Variants in DAB1 observed in about 807,000 individuals in gnomAD.
DAB1 encodes disabled homolog 1.
In DAB1, 15 loss-of-function variants were observed where a neutral mutation model predicts 64.6. The observed-to-expected ratio is 0.23, with a 90% confidence interval of 0.16 to 0.36. The LOEUF is 0.36. Ranked by LOEUF, DAB1 falls within the 10% of genes least tolerant of loss-of-function variation. DAB1 has a pLI of 1.00. For missense variants in DAB1, 596 were observed against 706.7 expected, an observed-to-expected ratio of 0.84 and a Z score of 1.78; for synonymous variants, 235 against 251.9, an observed-to-expected ratio of 0.93 and a Z score of 0.64.
intron 4 of DAB1, among the ~76,000 whole-genome samples, chr1:58,246,912 G>A (rs551493853): frequency 6.6e-6 from 1 of 152,184 alleles, no homozygotes; most frequent in South Asian, 2.1e-4. Flanking sequence ...TACGGTGTGA[G>A]CATGTGTGTG....
At chr1:58,533,967 C>A (rs1361907323) in intron 1 of DAB1, 1 of 872,214 alleles carries the variant, frequency 1.1e-6, no homozygotes. Flanking sequence ...TGCCCAAGTA[C>A]TGCATGTGCT....
chr1:58,429,115 T>C (rs1158285675), intron 3 of DAB1, among the ~76,000 whole-genome samples: 1 of 152,214 alleles, frequency 6.6e-6, no homozygotes, highest in Admixed American at 6.5e-5. Flanking sequence ...AATTACTATG[T>C]GCAAGGGCAG....
chr1:58,429,972 G>A (rs962308013), intron 3 of DAB1, among the ~76,000 whole-genome samples: 3 of 152,282 alleles, frequency 2.0e-5, no homozygotes, highest in Admixed American at 1.3e-4. Context: ...CATCCCCCAG[G>A]TCTTGTCAAT....
At chr1:58,314,175 T>C (rs1662498485) in intron 4 of DAB1, among the ~76,000 whole-genome samples, 1 of 152,090 alleles carries the variant, frequency 6.6e-6, no homozygotes, top group African/African-American at 2.4e-5. Context: ...CTTTTAGATA[T>C]GGGGGTCTGT....
At chr1:57,011,312 T>C (rs781388632) in intron 12 of DAB1, 40 bp from the exon 13 acceptor site, 3 of 1,602,934 alleles carry the variant, frequency 1.9e-6, no homozygotes, top group Non-Finnish European at 2.6e-6. Flanking sequence ...CTTAAGTGCC[T>C]GGCTGCCATG....
chr1:57,557,283 G>A (rs556419358), intron 7 of DAB1, among the ~76,000 whole-genome samples: 39 of 152,254 alleles, frequency 2.6e-4, no homozygotes, highest in Non-Finnish European at 2.8e-4. Context: ...GATGCTTCCT[G>A]TCCTTGAATA....
At chr1:57,948,617 G>A (rs962540584) in intron 5 of DAB1, among the ~76,000 whole-genome samples, 4 of 152,186 alleles carry the variant, frequency 2.6e-5, no homozygotes, top group Non-Finnish European at 5.9e-5. Flanking sequence ...GTCAGTTAAT[G>A]TACATCTTGG....
chr1:57,553,637 C>T (rs1484249307), intron 7 of DAB1, among the ~76,000 whole-genome samples: 2 of 151,962 alleles, frequency 1.3e-5, no homozygotes, highest in African/African-American at 2.4e-5. Flanking sequence ...CACCACTGCA[C>T]TCTAGCCTGG....
rs556046683 is a variant in DAB1 at position 58,243,894 on chromosome 1, T to C, written n.310-93306A>G. Among the ~76,000 whole-genome samples, 6 of 152,254 alleles carry C rather than the reference T, an allele frequency of 3.9e-5. No homozygotes were observed. In the South Asian group the frequency reaches 1.2e-3, roughly 32 times the overall value. ...AGGCCCCTGAAATGCAAATACTATGTCTTTTTAGACAATTATCCTTCTGTG... is the reference window on the plus strand; with the variant it reads ...AGGCCCCTGAAATGCAAATACTATGCCTTTTTAGACAATTATCCTTCTGTG... On this transcript the variant is annotated intron_variant and non_coding_transcript_variant, in intron 4 of 20. Transcript: ENST00000485760.
rs189471819 is a variant in DAB1 at position 57,602,807 on chromosome 1, G to A, written n.625+46785C>T. Among the ~76,000 whole-genome samples, 4 of 152,174 alleles carry A rather than the reference G, an allele frequency of 2.6e-5. No homozygotes were observed. In the East Asian group the frequency reaches 7.8e-4, roughly 30 times the overall value. On this transcript the variant is annotated intron_variant and non_coding_transcript_variant, in intron 7 of 20. Coordinates refer to the DAB1 transcript ENST00000485760. ...GTGTGTGTGGAGGGGAGTGGGGTCT[G>A]GGTCAGCCACCCAGAGCACTGAGGG...
chr1:57,421,747 A>G (rs1327589460), intron 1 of DAB1, among the ~76,000 whole-genome samples: 3 of 152,124 alleles, frequency 2.0e-5, no homozygotes, highest in African/African-American at 7.2e-5. Context: ...CAAGGACATC[A>G]GCAGACAATT....
chr1:58,374,125 A>C (rs1644299624), intron 3 of DAB1, among the ~76,000 whole-genome samples: 2 of 82,504 alleles, frequency 2.4e-5, no homozygotes, highest in African/African-American at 3.9e-5. Flanking sequence ...CCCGTGTTGT[A>C]GGTTGCCTGT....
At chr1:57,256,380 T>C (rs1404110307) in intron 2 of DAB1, among the ~76,000 whole-genome samples, 2 of 152,282 alleles carry the variant, frequency 1.3e-5, no homozygotes, top group East Asian at 3.9e-4. Context: ...TCATATTTGA[T>C]CAGTTTAAAG....
chr1:57,584,930 C>G (rs1364391708), intron 7 of DAB1, among the ~76,000 whole-genome samples: 1 of 146,660 alleles, frequency 6.8e-6, no homozygotes, highest in Non-Finnish European at 1.5e-5. Context: ...GAAGCAAATT[C>G]CTCTATATCG....
chr1:57,214,551 C>G (rs991430804), intron 2 of DAB1, among the ~76,000 whole-genome samples: 11 of 152,106 alleles, frequency 7.2e-5, no homozygotes, highest in South Asian at 4.2e-4. Context: ...AACCCAATAG[C>G]AATTGCTATT....
chr1:58,313,852 TGTGTGAGAGA>T (rs1204173563), intron 4 of DAB1, among the ~76,000 whole-genome samples: 4 of 144,436 alleles, frequency 2.8e-5, no homozygotes, highest in Non-Finnish European at 4.5e-5. Context: ...TGTGTGTGTG[TGTGTGAGAGA>T]GAGAGAGAGA....
intron 2 of DAB1, among the ~76,000 whole-genome samples, chr1:57,201,261 G>GA (rs140472422): frequency 6.6e-4 from 98 of 149,556 alleles, no homozygotes; most frequent in Admixed American, 1.8e-3. Context: ...TGGTATAACA[G>GA]AAAAAAAAAA....
intron 6 of DAB1, among the ~76,000 whole-genome samples, chr1:57,719,186 T>C (rs1016601762): frequency 1.3e-5 from 2 of 152,242 alleles, no homozygotes; most frequent in African/African-American, 4.8e-5. Context: ...CAATGCTTTT[T>C]AATTAATTTA....
At chr1:58,129,278 G>A (rs1653355947) in intron 5 of DAB1, among the ~76,000 whole-genome samples, 1 of 151,504 alleles carries the variant, frequency 6.6e-6, no homozygotes, top group South Asian at 2.1e-4. Flanking sequence ...ATGGCAGTTT[G>A]TATTTCTGTG....
Sources: allele counts gnomAD v4.1 joint callset (sites outside exome capture counted in the v4.1 genomes callset), GRCh38; gene constraint gnomAD v4.1.1; transcripts MANE v1.5; gene names NCBI Gene and HGNC (gene_info 2026-07-23, HGNC 2026-07-21).